The following KMT2E variants were observed in gnomAD, a reference collection of about 807,000 sequenced individuals.
The protein encoded by KMT2E is histone reader KMT2E.
A neutral mutation model predicts 184.6 loss-of-function variants in KMT2E; 30 were observed. That is an observed-to-expected ratio of 0.16 (90% confidence interval 0.12 to 0.22). The LOEUF (loss-of-function observed/expected upper bound fraction) is 0.22, where lower values mean the gene tolerates loss of function less well. Among genes scored for constraint, KMT2E ranks in the 10% least tolerant of loss-of-function variants. The pLI is 1.00. For missense variants in KMT2E, 2,023 were observed against 2,237.4 expected (o/e 0.90, Z 1.93); for synonymous variants, 815 against 776.5 (o/e 1.05, Z -0.82).
In KMT2E at chr7:105,105,778, T is replaced by C; in HGVS notation, c.2452-81T>C. 5 of 1,559,814 alleles carry C rather than the reference T, an allele frequency of 3.2e-6. No individual in the cohort carries two copies. In the South Asian group the frequency reaches 6.2e-5, roughly 19 times the overall value. ...TACCATCCATGGTAGTGAAATGCTT[T>C]TGGAATCGGCTCTGTATTTACAGGC... is the stretch of plus-strand genomic sequence containing the variant. On this transcript the variant is annotated intron_variant, in intron 18 of 26. Transcript: ENST00000311117.
intron 5 of KMT2E, chr7:105,063,919 A>G: frequency 2.2e-6 from 1 of 452,656 alleles, no homozygotes; most frequent in Admixed American, 2.6e-5. Context: ...TTCCTTTGGA[A>G]TAATTTGTGC....
At chr7:105,035,230 C>CA (rs1215502429) in intron 1 of KMT2E, among the ~76,000 whole-genome samples, 1 of 150,266 alleles carries the variant, frequency 6.7e-6, no homozygotes, top group Non-Finnish European at 1.5e-5. Context: ...GACGGGGTTT[C>CA]ACCGTGTTAG....
At chr7:105,024,562 T>G (rs1795094878) in intron 1 of KMT2E, among the ~76,000 whole-genome samples, 2 of 152,182 alleles carry the variant, frequency 1.3e-5, no homozygotes, top group Admixed American at 1.3e-4. Flanking sequence ...AAATGAACAT[T>G]CTCAGACCAA....
chr7:105,081,736 A>G lies in KMT2E; in HGVS notation c.1297A>G (p.Ile433Val). The change falls in exon 13 of 27, where the codon ATA (isoleucine) becomes GTA (valine). Residue 433 changes from isoleucine to valine, a missense_variant. By Grantham distance (29) the Ile-to-Val change is conservative. Coordinates refer to ENST00000311117, the MANE Select transcript of KMT2E (RefSeq NM_182931.3). ...AACCATACATCTTTATATTTATTCT[A>G]TACACAGTATTCCAAAGGGAACTGA... Reference protein sequence around the residue: ...DGTIHLYIYSIHSIPKGTEIT... With the variant: ...DGTIHLYIYSVHSIPKGTEIT... 1.9e-6 allele frequency: 3 copies of G among 1,550,920 alleles called. No homozygotes were observed. The highest frequency in any genetic ancestry group is 1.8e-6 in the Non-Finnish European group (2 of 1,133,948).
intron 1 of KMT2E, among the ~76,000 whole-genome samples, chr7:105,036,510 C>T (rs144193518): frequency 3.2e-4 from 49 of 152,162 alleles, no homozygotes; most frequent in African/African-American, 1.1e-3. Flanking sequence ...TGTGTAGGCT[C>T]TGGAATCAGA....
intron 3 of KMT2E, among the ~76,000 whole-genome samples, chr7:105,048,710 T>G (rs961428165): frequency 6.6e-6 from 1 of 152,230 alleles, no homozygotes; most frequent in Admixed American, 6.5e-5. Context: ...TGCAATGATA[T>G]GGTTTCTGTT....
chr7:105,078,266 T>C (rs955279189), intron 11 of KMT2E, among the ~76,000 whole-genome samples: 3 of 152,196 alleles, frequency 2.0e-5, no homozygotes, highest in African/African-American at 2.4e-5. Context: ...TTATCTTTCT[T>C]TGTAAATTGG....
At chr7:105,072,287 C>A (rs1797354736) in intron 6 of KMT2E, among the ~76,000 whole-genome samples, 1 of 152,082 alleles carries the variant, frequency 6.6e-6, no homozygotes, top group African/African-American at 2.4e-5. Flanking sequence ...CACGGAACTC[C>A]AGCTTGGCAG....
chr7:105,110,924 A>C, intron 26 of KMT2E, 56 bp downstream of exon 26: 1 of 1,201,146 alleles, frequency 8.3e-7, no homozygotes, highest in Non-Finnish European at 1.2e-6. Context: ...AGTGCAGAAA[A>C]GCTGATGGTT....
chr7:105,101,043 T>C (rs935752807), intron 15 of KMT2E, among the ~76,000 whole-genome samples: 1 of 152,196 alleles, frequency 6.6e-6, no homozygotes, highest in Non-Finnish European at 1.5e-5. Context: ...TTTTACCTTT[T>C]CAACATATCA....
chr7:105,098,826 A>C (rs1447553047), intron 15 of KMT2E, among the ~76,000 whole-genome samples: 2 of 152,210 alleles, frequency 1.3e-5, no homozygotes, highest in Non-Finnish European at 2.9e-5. Flanking sequence ...GACATATGTC[A>C]TAAAAACAAT....
chr7:105,031,621 G>A (rs775370441), intron 1 of KMT2E, among the ~76,000 whole-genome samples: 22 of 151,070 alleles, frequency 1.5e-4, no homozygotes, highest in Non-Finnish European at 1.5e-4. Context: ...GCATGGTGGC[G>A]GGCACCTGTA....
chr7:105,028,937 A>G (rs1188248980), intron 1 of KMT2E, among the ~76,000 whole-genome samples: 1 of 152,172 alleles, frequency 6.6e-6, no homozygotes, highest in Non-Finnish European at 1.5e-5. Context: ...GGTATTGAGA[A>G]TAAACATCAT....
At chr7:105,048,531 C>T (rs1796196978) in intron 3 of KMT2E, among the ~76,000 whole-genome samples, 3 of 151,472 alleles carry the variant, frequency 2.0e-5, no homozygotes, top group Non-Finnish European at 4.4e-5. Flanking sequence ...TTTCTCCATA[C>T]ATTTTCTCAT....
chr7:105,029,024 G>C (rs75962012), intron 1 of KMT2E, among the ~76,000 whole-genome samples: 6,536 of 152,072 alleles, frequency 0.043, 496 homozygotes, highest in African/African-American at 0.15. Context: ...CAGCACTTTG[G>C]GAGGACGAGG....
intron 3 of KMT2E, among the ~76,000 whole-genome samples, chr7:105,050,480 A>G (rs143351956): frequency 3.7e-4 from 57 of 152,126 alleles, no homozygotes; most frequent in African/African-American, 1.3e-3. Flanking sequence ...GTTACCCTCA[A>G]TTTTTTATGT....
rs1798856604 is a variant in KMT2E at position 105,105,419 on chromosome 7, A to C, written c.2197-20A>C. 6.5e-7 allele frequency: 1 copy of C among 1,547,458 alleles called. No individual in the cohort carries two copies. The highest frequency in any genetic ancestry group is 1.4e-5 in the African/African-American group (1 of 72,172). On this transcript the variant is annotated intron_variant, in intron 17 of 26. Coordinates refer to ENST00000311117, the MANE Select transcript of KMT2E (RefSeq NM_182931.3). ...TTTGGAATTACATATATAATGATCCAATTTTTTTCTTTTCTCTAGCACTTG... is the reference window on the plus strand; with the variant it reads ...TTTGGAATTACATATATAATGATCCCATTTTTTTCTTTTCTCTAGCACTTG...
At chr7:105,048,721 G>A (rs982500892) in intron 3 of KMT2E, among the ~76,000 whole-genome samples, 5 of 152,206 alleles carry the variant, frequency 3.3e-5, no homozygotes, top group Admixed American at 1.3e-4. Context: ...GGTTTCTGTT[G>A]TAACTACTCA....
At chr7:105,064,716 A>G (rs1796962195) in intron 5 of KMT2E, among the ~76,000 whole-genome samples, 1 of 152,090 alleles carries the variant, frequency 6.6e-6, no homozygotes. Flanking sequence ...AACCTGTAAT[A>G]CATTCTACCA....
Sources: gnomAD v4.1 joint callset for allele counts (sites outside exome capture counted in the v4.1 genomes callset) on GRCh38, gnomAD v4.1.1 for gene constraint, MANE v1.5 for transcripts, NCBI Gene and HGNC (gene_info 2026-07-23, HGNC 2026-07-21) for gene names.